Variants in SLC24A2 observed in about 807,000 individuals in gnomAD.
SLC24A2 encodes solute carrier family 24 member 2.
SLC24A2 carries 36 observed loss-of-function variants against 62.0 expected under a neutral mutation model. That is an observed-to-expected ratio of 0.58 (90% CI 0.44 to 0.77). The LOEUF (loss-of-function observed/expected upper bound fraction) is 0.77. Among genes scored for constraint, SLC24A2 ranks in the 30% least tolerant of loss-of-function variants. SLC24A2 has a pLI of 0.00. For missense variants in SLC24A2, 846 were observed against 817.9 expected (o/e 1.03, Z -0.42); for synonymous variants, 358 against 294.0 (o/e 1.22, Z -2.23).
At chr9:19,535,186 T>G (rs1434915569) in intron 8 of SLC24A2, among the ~76,000 whole-genome samples, 2 of 152,316 alleles carry the variant, frequency 1.3e-5, no homozygotes, top group African/African-American at 2.4e-5. Flanking sequence ...TCATATCCTT[T>G]GCCCACTTTT....
intron 2 of SLC24A2, among the ~76,000 whole-genome samples, chr9:19,720,305 T>C (rs1449911496): frequency 2.6e-5 from 4 of 152,164 alleles, no homozygotes; most frequent in African/African-American, 9.7e-5. Context: ...AACTCCTGGG[T>C]GTGCCCCACA....
the SLC24A2 span, among the ~76,000 whole-genome samples, chr9:20,006,114 A>G: frequency 6.6e-6 from 1 of 151,724 alleles, no homozygotes; most frequent in African/African-American, 2.4e-5. Context: ...CAATATATAC[A>G]CATAGTATGT....
At chr9:20,108,034 T>G in the SLC24A2 span, among the ~76,000 whole-genome samples, 717 of 152,064 alleles carry the variant, frequency 4.7e-3, 1 homozygote, top group Non-Finnish European at 8.5e-3. Flanking sequence ...AAAAAGTGGT[T>G]GAAGGACATG....
the SLC24A2 span, among the ~76,000 whole-genome samples, chr9:19,796,566 A>G: frequency 6.6e-6 from 1 of 152,208 alleles, no homozygotes; most frequent in South Asian, 2.1e-4. Flanking sequence ...CAGGAGGAAA[A>G]TGTTTGAATC....
intron 2 of SLC24A2, among the ~76,000 whole-genome samples, chr9:19,766,867 T>C (rs1020149033): frequency 8.5e-5 from 13 of 152,218 alleles, no homozygotes; most frequent in African/African-American, 3.1e-4. Flanking sequence ...GGCAGGGACG[T>C]TTAAGTCTGC....
the SLC24A2 span, among the ~76,000 whole-genome samples, chr9:19,936,479 G>T: frequency 1.3e-3 from 196 of 152,146 alleles, 1 homozygote; most frequent in African/African-American, 4.5e-3. Context: ...TCATCATGTT[G>T]CCCAGGCTGT....
chr9:20,133,717 T>C, the SLC24A2 span, among the ~76,000 whole-genome samples: 1 of 152,128 alleles, frequency 6.6e-6, no homozygotes, highest in African/African-American at 2.4e-5. Flanking sequence ...CTTACCCAAC[T>C]CTTAAAAGCC....
At chr9:20,211,208 T>C in the SLC24A2 span, among the ~76,000 whole-genome samples, 1 of 152,148 alleles carries the variant, frequency 6.6e-6, no homozygotes, top group African/African-American at 2.4e-5. Flanking sequence ...TTTGTTTTTG[T>C]AATTATAAAA....
chr9:20,107,908 A>T, the SLC24A2 span, among the ~76,000 whole-genome samples: 1 of 152,214 alleles, frequency 6.6e-6, no homozygotes, highest in African/African-American at 2.4e-5. Flanking sequence ...GTGAACAGGC[A>T]ACCTACAAAA....
chr9:19,554,419 T>C (rs995142179), intron 7 of SLC24A2, among the ~76,000 whole-genome samples: 5 of 152,236 alleles, frequency 3.3e-5, no homozygotes. Flanking sequence ...ATATTTGTTA[T>C]ATGCAAATTC....
chr9:19,916,061 G>A, the SLC24A2 span, among the ~76,000 whole-genome samples: 1 of 151,994 alleles, frequency 6.6e-6, no homozygotes, highest in Admixed American at 6.6e-5. Flanking sequence ...GTAAGCCTTA[G>A]ATCCGTTAGA....
the SLC24A2 span, among the ~76,000 whole-genome samples, chr9:20,205,564 T>G: frequency 6.8e-6 from 1 of 147,998 alleles, no homozygotes; most frequent in Non-Finnish European, 1.5e-5. Context: ...GGCAGGAGAT[T>G]GGTGTGAACC....
chr9:19,955,473 A>T, the SLC24A2 span, among the ~76,000 whole-genome samples: 1 of 151,968 alleles, frequency 6.6e-6, no homozygotes, highest in Non-Finnish European at 1.5e-5. Flanking sequence ...GAAGACACAG[A>T]TAAGTTGTCT....
chr9:20,244,615 G>A, the SLC24A2 span, among the ~76,000 whole-genome samples: 2 of 152,220 alleles, frequency 1.3e-5, no homozygotes, highest in Admixed American at 6.5e-5. Context: ...CTAAATGGAA[G>A]TTTGGTAGAT....
At chr9:19,550,421 C>G (rs1235709057) in intron 7 of SLC24A2, among the ~76,000 whole-genome samples, 153 bp from the exon 8 acceptor site, 1 of 152,232 alleles carries the variant, frequency 6.6e-6, no homozygotes, top group Non-Finnish European at 1.5e-5. Flanking sequence ...TGAGATTTGT[C>G]ACAGTCTGAG....
chr9:19,629,679 CT>C (rs1024125042), intron 2 of SLC24A2, among the ~76,000 whole-genome samples: 3 of 152,180 alleles, frequency 2.0e-5, no homozygotes, highest in South Asian at 2.1e-4. Context: ...AAGGGCCCCC[CT>C]GGTGGTCCCA....
At chr9:20,273,144 G>A in the SLC24A2 span, among the ~76,000 whole-genome samples, 4 of 152,192 alleles carry the variant, frequency 2.6e-5, no homozygotes, top group Admixed American at 1.3e-4. Context: ...CCCTGATGGA[G>A]CACAGGACAC....
At chr9:19,845,140 C>A in the SLC24A2 span, among the ~76,000 whole-genome samples, 3 of 152,172 alleles carry the variant, frequency 2.0e-5, no homozygotes, top group Non-Finnish European at 4.4e-5. Context: ...TTCTTCCAAT[C>A]CACGAGCATG....
chr9:20,099,215 A>T, the SLC24A2 span, among the ~76,000 whole-genome samples: 1 of 152,192 alleles, frequency 6.6e-6, no homozygotes, highest in Non-Finnish European at 1.5e-5. Flanking sequence ...TGACAATGAT[A>T]TTTCTTGAAA....
Sources: allele counts gnomAD v4.1 joint callset (sites outside exome capture counted in the v4.1 genomes callset), GRCh38; gene constraint gnomAD v4.1.1; transcripts MANE v1.5; gene names NCBI Gene and HGNC (gene_info 2026-07-23, HGNC 2026-07-21).